Variants in RBCK1 observed in about 807,000 individuals in gnomAD.
RBCK1 encodes the protein RANBP2-type and C3HC4-type zinc finger containing 1.
In RBCK1, 44 loss-of-function variants were observed where a neutral mutation model predicts 71.1. The ratio of observed to expected loss-of-function variants is 0.62; its 90% CI spans 0.49 to 0.80. RBCK1 has a LOEUF of 0.80. Among genes scored for constraint, RBCK1 ranks in the 30% least tolerant of loss-of-function variants. RBCK1 has a pLI of 0.00. For synonymous variants in RBCK1, 306 were observed against 279.7 expected (o/e 1.09, Z -0.94); for missense variants, 569 against 685.0 (o/e 0.83, Z 1.89).
At position 428,384 on chromosome 20, in the gene RBCK1, C is replaced by A. The variant is rs2016843617; in HGVS notation, c.1210-107C>A. 1 of 685,450 alleles carries A rather than the reference C, an allele frequency of 1.5e-6. No individual in the cohort carries two copies. Among genetic ancestry groups the A allele is most frequent in the South Asian group, 2.0e-5 (1 of 49,094 alleles). 42.5% of individuals were successfully genotyped at this position (685,450 alleles called of 1,614,324 possible). ...AAGTGAGGTCCTGCCAGTGACTACA[C>A]CTAGAGGCATTAAGTGCCTTTGTGG... On this transcript the variant is annotated intron_variant, in intron 9 of 11. Coordinates refer to ENST00000356286, the MANE Select transcript of RBCK1 (RefSeq NM_031229.4). The surrounding 1 kb of genome is among the most constrained non-coding windows in gnomAD (Gnocchi z 5.7).
chr20:422,269 A>AGTC lies in RBCK1; in HGVS notation c.1029+32_1029+34dup, dbSNP rs2016482690. 1 of 1,579,512 alleles carries AGTC rather than the reference A, an allele frequency of 6.3e-7. No individual in the cohort carries two copies. ...GCCTCAGGGTGGGAGACATACCCCA[A>AGTC]GTCCCAACTCCTAAGGAACTGGGCC... On this transcript the variant is annotated intron_variant, in intron 8 of 11. Transcript: ENST00000356286. This position sits in a 1 kb window ranked among gnomAD's most constrained non-coding sequence, Gnocchi z 5.0.
intron 7 of RBCK1, among the ~76,000 whole-genome samples, 195 bp downstream of exon 7, chr20:421,226 C>A (rs2016417066): frequency 6.6e-6 from 1 of 152,188 alleles, no homozygotes; most frequent in South Asian, 2.1e-4. Flanking sequence ...ACCCCAGGCC[C>A]ACGGCTCATG....
rs539510245 is a variant in RBCK1 at position 417,529 on chromosome 20, G to A, written c.171G>A (p.Leu57=). The change falls in exon 3 of 12, where the codon CTG becomes CTA. Residue 57 remains leucine, a synonymous_variant. Coordinates refer to ENST00000356286, the MANE Select transcript of RBCK1 (RefSeq NM_031229.4). This position sits in a 1 kb window ranked among gnomAD's most constrained non-coding sequence, Gnocchi z 4.7. The part of the protein sequence containing the change: ...PEVSPTQDIR[L]WVSVEDAQMH... Reference sequence around the variant, plus strand: ...GAGCCCCTGCTGTTCTCTGCAGGCTGTGGGTGAGCGTGGAGGATGCTCAGA... The same window carrying A: ...GAGCCCCTGCTGTTCTCTGCAGGCTATGGGTGAGCGTGGAGGATGCTCAGA... 1.9e-6 allele frequency: 3 copies of A among 1,613,234 alleles called. No individual in the cohort carries two copies. The East Asian group carries it at 6.7e-5, about 36-fold the overall frequency.
rs1258442538 is a variant in RBCK1 at position 428,386 on chromosome 20, TAG to T, written c.1210-102_1210-101del. 7 of 689,730 alleles carry T rather than the reference TAG, an allele frequency of 1.0e-5. No homozygotes were observed. The highest frequency in any genetic ancestry group is 1.5e-5 in the Non-Finnish European group (6 of 411,848). The allele number at this position is 689,730 out of a possible 1,614,324, so 42.7% of individuals were successfully genotyped here. A position where few individuals can be genotyped will look rare whatever the true frequency, so the allele number is the denominator to read the frequency against. On this transcript the variant is annotated intron_variant, in intron 9 of 11. Coordinates refer to ENST00000356286, the MANE Select transcript of RBCK1 (RefSeq NM_031229.4). The surrounding 1 kb of genome is among the most constrained non-coding windows in gnomAD (Gnocchi z 5.7). ...GTGAGGTCCTGCCAGTGACTACACC[TAG>T]AGGCATTAAGTGCCTTTGTGGACTC...
chr20:431,456 TG>T lies in RBCK1; in HGVS notation c.*1029del, dbSNP rs1460787049. Among the ~76,000 whole-genome samples, 1 of 152,188 alleles carries T rather than the reference TG, an allele frequency of 6.6e-6. No individual in the cohort carries two copies. The highest frequency in any genetic ancestry group is 1.5e-5 in the Non-Finnish European group (1 of 68,032). Reference sequence around the variant, plus strand: ...GTCGGAGGTTACTAAGACAGGGTCCTGGGATGTTCATTCTCTAAGTCTTTCC... The same window carrying T: ...GTCGGAGGTTACTAAGACAGGGTCCTGGATGTTCATTCTCTAAGTCTTTCC... On this transcript the variant is annotated 3_prime_UTR_variant, in exon 12 of 12. Transcript: ENST00000356286. This position sits in a 1 kb window ranked among gnomAD's most constrained non-coding sequence, Gnocchi z 4.8.
In RBCK1 at chr20:408,495, T is replaced by C. The variant is rs2015501667; in HGVS notation, c.-263T>C. 2 of 552,812 alleles carry C rather than the reference T, an allele frequency of 3.6e-6. No homozygotes were observed. Among genetic ancestry groups the C allele is most frequent in the Non-Finnish European group, 6.4e-6 (2 of 312,972 alleles). The allele number at this position is 552,812 out of a possible 1,614,324, so 34.2% of individuals were successfully genotyped here. A position where few individuals can be genotyped will look rare whatever the true frequency, so the allele number is the denominator to read the frequency against. ...CTTCTTCCCACCTCGGCTGGTCCCG[T>C]TTCCTCCTGCGCCCAGTGCGGACCT... On this transcript the variant is annotated 5_prime_UTR_variant, in exon 1 of 12. Transcript: ENST00000356286.
chr20:423,841 T>C (rs1372336783), intron 8 of RBCK1, among the ~76,000 whole-genome samples: 1 of 151,990 alleles, frequency 6.6e-6, no homozygotes, highest in Non-Finnish European at 1.5e-5. Context: ...GGTGGCCTGG[T>C]TTATAATGGT....
chr20:428,437 A>T lies in RBCK1; in HGVS notation c.1210-54A>T. 7.3e-7 allele frequency: 1 copy of T among 1,368,062 alleles called. No individual in the cohort carries two copies. 84.7% of individuals were successfully genotyped at this position (1,368,062 alleles called of 1,614,324 possible). ...TCCTGCCCTGCACCTCACCTCTCCC[A>T]GCTTCTTAACCCCCTGAGGAACCTT... On this transcript the variant is annotated intron_variant, in intron 9 of 11. Coordinates refer to ENST00000356286, the MANE Select transcript of RBCK1 (RefSeq NM_031229.4). This position sits in a 1 kb window ranked among gnomAD's most constrained non-coding sequence, Gnocchi z 5.7.
intron 11 of RBCK1, among the ~76,000 whole-genome samples, chr20:429,501 C>T (rs1306690776): frequency 6.6e-6 from 1 of 152,222 alleles, no homozygotes; most frequent in Non-Finnish European, 1.5e-5. Flanking sequence ...GCTAGGATTA[C>T]AGGCGTGAGC....
chr20:429,387 C>T (rs2016906837), intron 11 of RBCK1, among the ~76,000 whole-genome samples: 3 of 152,096 alleles, frequency 2.0e-5, no homozygotes, highest in Admixed American at 1.3e-4. Context: ...CCACCACGCC[C>T]GGCTAGTTTT....
At position 426,204 on chromosome 20, in the gene RBCK1, TTG is replaced by T. The variant is rs372940635; in HGVS notation, c.1030-1105_1030-1104del. 4.0e-3 allele frequency among the ~76,000 whole-genome samples: 612 copies of T among 152,340 alleles called. 1 individual carries two copies. Among genetic ancestry groups the T allele is most frequent in the African/African-American group, 0.014 (570 of 41,576 alleles). On this transcript the variant is annotated intron_variant, in intron 8 of 11. Coordinates refer to ENST00000356286, the MANE Select transcript of RBCK1 (RefSeq NM_031229.4). ...ATCCATCCCCTCAAGCATTTATCCT[TTG>T]TGTTACAGACAATCCAGTTAACCTC... is the stretch of plus-strand genomic sequence containing the variant.
chr20:408,828 C>T, intron 1 of RBCK1, 49 bp downstream of exon 1: 3 of 1,589,500 alleles, frequency 1.9e-6, no homozygotes, highest in Non-Finnish European at 2.6e-6. Flanking sequence ...GGAAGTGGGC[C>T]CCGCAGGACC....
rs2016061485 is a variant in RBCK1, at chr20:417,423, GCA to G, written c.168-102_168-101del. On this transcript the variant is annotated intron_variant, in intron 2 of 11. Transcript: ENST00000356286. This position sits in a 1 kb window ranked among gnomAD's most constrained non-coding sequence, Gnocchi z 4.7. ...TGTGTGTGTGTGTGTGTGTGTGTGT[GCA>G]TGGCCATGTGCCTGTGTGCAAATAT... The G allele has an allele frequency of 1.2e-5, 11 of 895,042 alleles. No homozygotes were observed. Among genetic ancestry groups the G allele is most frequent in the African/African-American group, 3.3e-5 (2 of 60,148 alleles). 55.4% of individuals were successfully genotyped at this position (895,042 alleles called of 1,614,324 possible).
At chr20:418,405 G>T (rs1264217351) in intron 4 of RBCK1, among the ~76,000 whole-genome samples, 1 of 151,588 alleles carries the variant, frequency 6.6e-6, no homozygotes, top group Admixed American at 6.6e-5. Context: ...GTCTCGCTCT[G>T]TCGCCCAGGC....
chr20:420,513 C>A (rs1381389633), intron 6 of RBCK1: 1 of 984,304 alleles, frequency 1.0e-6, no homozygotes, highest in East Asian at 1.2e-4. Flanking sequence ...ACCTGACTCA[C>A]CACTCAGACC....
At chr20:412,615 G>A (rs1037815089) in intron 2 of RBCK1, among the ~76,000 whole-genome samples, 3 of 152,156 alleles carry the variant, frequency 2.0e-5, no homozygotes, top group African/African-American at 7.2e-5. Context: ...CACTGCACCC[G>A]GCTGGGTTTA....
intron 1 of RBCK1, among the ~76,000 whole-genome samples, chr20:409,285 C>T (rs1272083344): frequency 6.6e-6 from 1 of 152,226 alleles, no homozygotes; most frequent in Non-Finnish European, 1.5e-5. Flanking sequence ...CGGTTCTCAT[C>T]CAACCATTTT....
At chr20:415,065 T>C (rs2015909789) in intron 2 of RBCK1, among the ~76,000 whole-genome samples, 1 of 152,352 alleles carries the variant, frequency 6.6e-6, no homozygotes, top group African/African-American at 2.4e-5. Flanking sequence ...TTAAATACTT[T>C]AGTATGTGTC....
rs756500607 is a variant in RBCK1 at position 417,910 on chromosome 20, G to T, written c.440G>T (p.Arg147Leu). Residue 147 changes from arginine (R) to leucine (L), a missense_variant, in exon 4 of 12, where the codon CGG becomes CTG. By Grantham distance (102) the Arg-to-Leu change is moderately radical. This residue lies in a region of RBCK1 where 358 missense variants were observed against 375.6 expected (regional missense o/e 0.95). Coordinates refer to ENST00000356286, the MANE Select transcript of RBCK1 (RefSeq NM_031229.4). The surrounding 1 kb of genome is among the most constrained non-coding windows in gnomAD (Gnocchi z 4.7). ...SLNPQELQRE[R>L]QLRMLEDLGF... Reference sequence around the variant, plus strand: ...AACCCTCAGGAGCTGCAGCGGGAGCGGCAGCTGCGGATGCTGGAAGGTGAG... The same window carrying T: ...AACCCTCAGGAGCTGCAGCGGGAGCTGCAGCTGCGGATGCTGGAAGGTGAG... 1 of 1,608,946 alleles carries T rather than the reference G, an allele frequency of 6.2e-7. No homozygotes were observed. The highest frequency in any genetic ancestry group is 8.5e-7 in the Non-Finnish European group (1 of 1,179,890).
Sources: gnomAD v4.1 joint callset for allele counts (sites outside exome capture counted in the v4.1 genomes callset) on GRCh38, gnomAD v4.1.1 for gene constraint, gnomAD v4.1.1 regional missense constraint, Gnocchi (gnomAD v3.1) non-coding constraint, MANE v1.5 for transcripts, NCBI Gene and HGNC (gene_info 2026-07-23, HGNC 2026-07-21) for gene names.